Variants in RBFOX1 observed in about 807,000 individuals in gnomAD.
RBFOX1 encodes the protein RNA binding protein fox-1 homolog 1.
RBFOX1 carries 8 observed loss-of-function variants against 57.7 expected under a neutral mutation model. The observed-to-expected ratio is 0.14, with a 90% confidence interval of 0.08 to 0.25. The LOEUF is 0.25. Ranked by LOEUF, RBFOX1 falls within the 10% of genes least tolerant of loss-of-function variation. RBFOX1 has a pLI of 1.00. For synonymous variants in RBFOX1, 326 were observed against 222.4 expected (o/e 1.47, Z -4.15); for missense variants, 611 against 548.5 (o/e 1.11, Z -1.14).
chr16:7,647,546 GAAAA>G (rs1324879272), intron 11 of RBFOX1, among the ~76,000 whole-genome samples: 1 of 87,962 alleles, frequency 1.1e-5, no homozygotes. Context: ...ATTGAACTAG[GAAAA>G]AAAAAAAAAA....
intron 1 of RBFOX1, among the ~76,000 whole-genome samples, chr16:5,312,779 T>C (rs2064127091): frequency 1.3e-5 from 2 of 152,204 alleles, no homozygotes; most frequent in Admixed American, 6.5e-5. Flanking sequence ...ATGCTGCAGA[T>C]GCATGAGGGA....
At chr16:5,795,076 G>C (rs956763) in intron 3 of RBFOX1, among the ~76,000 whole-genome samples, 39 of 152,272 alleles carry the variant, frequency 2.6e-4, no homozygotes, top group Non-Finnish European at 3.7e-4. Context: ...TTCCATCTCA[G>C]TTTCTCATGT....
chr16:5,986,338 A>G (rs1224754561), intron 4 of RBFOX1, among the ~76,000 whole-genome samples: 2 of 152,216 alleles, frequency 1.3e-5, no homozygotes, highest in Non-Finnish European at 2.9e-5. Flanking sequence ...TGCTGGGATT[A>G]CAGGCGTGAG....
rs530702682 is a variant in RBFOX1, at chr16:7,380,237, T to C, written c.28-137910T>C. Reference sequence around the variant, plus strand: ...TTTAGAGTCAGAAATGCTCAGAGTTTAGAAAATAACCATCTTCACCACATA... The same window carrying C: ...TTTAGAGTCAGAAATGCTCAGAGTTCAGAAAATAACCATCTTCACCACATA... On this transcript the variant is annotated intron_variant, in intron 4 of 15. Coordinates refer to ENST00000550418, the MANE Select transcript of RBFOX1 (RefSeq NM_018723.4). Among the ~76,000 whole-genome samples the C allele has an allele frequency of 3.3e-5, 5 of 152,318 alleles. No homozygotes were observed. The East Asian group carries it at 5.8e-4, about 18-fold the overall frequency.
rs567177545 is a variant in RBFOX1, at chr16:7,154,115, C to A, written c.27+102017C>A. Among the ~76,000 whole-genome samples, 150 of 152,208 alleles carry A rather than the reference C, an allele frequency of 9.9e-4. 1 individual carries two copies. The highest frequency in any genetic ancestry group is 3.4e-3 in the African/African-American group (142 of 41,532). ...GAATATTAGCAGGTAGAAAAGCACT[C>A]AAGATTGTTTTTGCACATCATAGTT... is the stretch of plus-strand genomic sequence containing the variant. On this transcript the variant is annotated intron_variant, in intron 4 of 15. Coordinates refer to ENST00000550418, the MANE Select transcript of RBFOX1 (RefSeq NM_018723.4).
chr16:6,468,084 A>G (rs2095091630), intron 2 of RBFOX1, among the ~76,000 whole-genome samples: 1 of 151,926 alleles, frequency 6.6e-6, no homozygotes, highest in Non-Finnish European at 1.5e-5. Flanking sequence ...CGGAGTGGGG[A>G]TGGTGATTTT....
intron 3 of RBFOX1, among the ~76,000 whole-genome samples, chr16:5,720,221 T>G (rs1009539996): frequency 2.0e-5 from 3 of 152,190 alleles, no homozygotes; most frequent in African/African-American, 7.2e-5. Context: ...TAGTAGGTCT[T>G]TTTTGGAGAC....
At chr16:7,550,299 G>C (rs1224238150) in intron 5 of RBFOX1, among the ~76,000 whole-genome samples, 2 of 151,968 alleles carry the variant, frequency 1.3e-5, no homozygotes, top group Admixed American at 6.6e-5. Flanking sequence ...TTCCGGAGAA[G>C]GGAAGTGGTT....
intron 4 of RBFOX1, among the ~76,000 whole-genome samples, chr16:7,129,757 G>A (rs1330796419): frequency 1.5e-5 from 2 of 137,542 alleles, no homozygotes; most frequent in Non-Finnish European, 3.0e-5. Flanking sequence ...CAGGAGACAC[G>A]ACAACTCCTA....
At chr16:7,453,983 A>G (rs1218668605) in intron 4 of RBFOX1, among the ~76,000 whole-genome samples, 1 of 152,244 alleles carries the variant, frequency 6.6e-6, no homozygotes, top group African/African-American at 2.4e-5. Context: ...CTGAAATCTC[A>G]GCAGTTTGGG....
chr16:6,360,010 G>A (rs751694898), intron 2 of RBFOX1, among the ~76,000 whole-genome samples: 11 of 152,144 alleles, frequency 7.2e-5, no homozygotes, highest in African/African-American at 2.4e-4. Flanking sequence ...ATTACAGAAC[G>A]TGAGGAACAA....
chr16:6,699,980 T>A (rs1291845081), intron 3 of RBFOX1, among the ~76,000 whole-genome samples: 1 of 152,200 alleles, frequency 6.6e-6, no homozygotes, highest in Non-Finnish European at 1.5e-5. Flanking sequence ...GGTATGTGGA[T>A]GAGCTAGCTG....
At chr16:6,784,102 G>T (rs1009819926) in intron 3 of RBFOX1, among the ~76,000 whole-genome samples, 1 of 151,888 alleles carries the variant, frequency 6.6e-6, no homozygotes, top group African/African-American at 2.4e-5. Context: ...TTTGATTATT[G>T]TATACCTCTG....
intron 4 of RBFOX1, among the ~76,000 whole-genome samples, chr16:7,515,900 A>G (rs12924279): frequency 0.5 from 75,258 of 151,932 alleles, 23,608 homozygotes; most frequent in Non-Finnish European, 0.71. Context: ...GCTGGAGTGC[A>G]GTGGTGCACT....
chr16:6,663,114 G>A (rs2098711553), intron 3 of RBFOX1, among the ~76,000 whole-genome samples: 1 of 152,170 alleles, frequency 6.6e-6, no homozygotes, highest in Admixed American at 6.5e-5. Context: ...AGTACAGGGT[G>A]GAAGGCAGAC....
chr16:7,437,203 A>G (rs17745284), intron 4 of RBFOX1, among the ~76,000 whole-genome samples: 46,578 of 151,826 alleles, frequency 0.31, 7,708 homozygotes, highest in East Asian at 0.41. Context: ...GTTCACAATC[A>G]CAAACAAACA....
intron 3 of RBFOX1, among the ~76,000 whole-genome samples, chr16:5,866,034 C>G (rs1232583025): frequency 6.6e-6 from 1 of 152,136 alleles, no homozygotes; most frequent in Non-Finnish European, 1.5e-5. Context: ...ATGGCGCAAT[C>G]TCAGTTCAAT....
intron 3 of RBFOX1, among the ~76,000 whole-genome samples, chr16:5,797,823 C>G (rs1375940424): frequency 1.3e-5 from 2 of 152,092 alleles, no homozygotes; most frequent in Non-Finnish European, 2.9e-5. Flanking sequence ...GAGTGATGGG[C>G]TCATAATGAA....
intron 3 of RBFOX1, among the ~76,000 whole-genome samples, chr16:6,744,839 G>T (rs1269393393): frequency 6.6e-6 from 1 of 152,016 alleles, no homozygotes; most frequent in Non-Finnish European, 1.5e-5. Flanking sequence ...AAAGATCAGG[G>T]TTGAAATCAA....
Sources: gnomAD v4.1 joint callset for allele counts (sites outside exome capture counted in the v4.1 genomes callset) on GRCh38, gnomAD v4.1.1 for gene constraint, MANE v1.5 for transcripts, NCBI Gene and HGNC (gene_info 2026-07-23, HGNC 2026-07-21) for gene names.